Variants in HEATR3 observed in about 807,000 individuals in gnomAD.
The protein encoded by HEATR3 is HEAT repeat-containing protein 3.
HEATR3 carries 56 observed loss-of-function variants against 72.8 expected under a neutral mutation model. The observed-to-expected ratio is 0.77, with a 90% CI of 0.62 to 0.96. The LOEUF (loss-of-function observed/expected upper bound fraction) is 0.96. Among genes scored for constraint, HEATR3 ranks in the 40% least tolerant of loss-of-function variants. HEATR3 has a pLI of 0.00. For synonymous variants in HEATR3, 331 were observed against 318.1 expected (o/e 1.04, Z -0.43); for missense variants, 747 against 831.4 (o/e 0.90, Z 1.25).
chr16:50,090,193 A>G (rs2037078399), intron 11 of HEATR3, among the ~76,000 whole-genome samples: 1 of 151,898 alleles, frequency 6.6e-6, no homozygotes, highest in Non-Finnish European at 1.5e-5. Context: ...TGTCTCCTCC[A>G]AAAAGGTTTT....
At chr16:50,076,005 A>G (rs2036719176) in intron 6 of HEATR3, among the ~76,000 whole-genome samples, 1 of 129,150 alleles carries the variant, frequency 7.7e-6, no homozygotes, top group Admixed American at 8.9e-5. Context: ...TTGACCACTT[A>G]GTTTTCCATA....
intron 6 of HEATR3, among the ~76,000 whole-genome samples, chr16:50,078,292 C>T (rs1260415783): frequency 2.0e-5 from 3 of 152,076 alleles, no homozygotes; most frequent in African/African-American, 4.8e-5. Context: ...TTAATGATAG[C>T]TCCTGTTCTT....
chr16:50,086,542 A>G lies in HEATR3; in HGVS notation c.1510+191A>G. Among the ~76,000 whole-genome samples the G allele has an allele frequency of 1.3e-5, 2 of 152,228 alleles. 1 individual carries two copies. Among genetic ancestry groups the G allele is most frequent in the Non-Finnish European group, 2.9e-5 (2 of 68,046 alleles). On this transcript the variant is annotated intron_variant, in intron 11 of 14. Transcript: ENST00000299192. ...AGGTATGCAAGCAGCTCCTGGGCTT[A>G]TAATTTTCTTTTTTGTTAAAATTGT...
intron 11 of HEATR3, among the ~76,000 whole-genome samples, chr16:50,092,816 G>A (rs977735695): frequency 4.6e-5 from 7 of 152,168 alleles, no homozygotes; most frequent in African/African-American, 1.2e-4. Context: ...GGATGCAGGC[G>A]TGAACAAGAT....
At chr16:50,097,897 AGT>A (rs896432792) in intron 12 of HEATR3, among the ~76,000 whole-genome samples, 2 of 144,958 alleles carry the variant, frequency 1.4e-5, no homozygotes, top group African/African-American at 5.1e-5. Flanking sequence ...GGGTGACAAG[AGT>A]GTGACAAGAG....
chr16:50,076,017 GTT>G (rs34176576), intron 6 of HEATR3, among the ~76,000 whole-genome samples: 1 of 148,486 alleles, frequency 6.7e-6, no homozygotes, highest in Non-Finnish European at 1.5e-5. Context: ...TTTTCCATAA[GTT>G]TTTTTTTTTT....
chr16:50,072,867 C>T (rs1158440241), intron 5 of HEATR3, 153 bp downstream of exon 5: 10 of 602,524 alleles, frequency 1.7e-5, no homozygotes, highest in Admixed American at 6.4e-5. Context: ...GGTCTTAAAT[C>T]TGTGATTAAT....
At chr16:50,088,081 C>T (rs990010834) in intron 11 of HEATR3, among the ~76,000 whole-genome samples, 1 of 152,026 alleles carries the variant, frequency 6.6e-6, no homozygotes, top group African/African-American at 2.4e-5. Flanking sequence ...GAGCCAAGAT[C>T]GCGCCATTGC....
intron 7 of HEATR3, among the ~76,000 whole-genome samples, chr16:50,082,413 C>T (rs1162866491): frequency 1.3e-5 from 2 of 152,090 alleles, no homozygotes; most frequent in African/African-American, 4.8e-5. Context: ...CCAGCAGCAA[C>T]ATGTCTTGTT....
intron 7 of HEATR3, among the ~76,000 whole-genome samples, chr16:50,081,133 A>G (rs968382304): frequency 1.3e-5 from 2 of 152,236 alleles, no homozygotes; most frequent in African/African-American, 2.4e-5. Context: ...TTCTTATAGT[A>G]AAAACTGGCT....
intron 6 of HEATR3, among the ~76,000 whole-genome samples, chr16:50,077,958 C>A (rs1034941165): frequency 7.5e-5 from 11 of 147,612 alleles, no homozygotes; most frequent in Non-Finnish European, 1.5e-4. Flanking sequence ...CTCACTGCAA[C>A]CTCTGCCTCC....
rs2036581729 is a variant in HEATR3 at position 50,070,270 on chromosome 16, G to C, written c.492G>C (p.Val164=). ...NSIENIANET[V]NVLWNICECS... ...TTGAGAACATAGCCAATGAGACTGT[G>C]AACGTGCTGTGGAATATATGGTAAG... The change falls in exon 4 of 15, where the codon GTG becomes GTC. Residue 164 remains valine, a synonymous_variant. Transcript: ENST00000299192. 6.3e-7 allele frequency: 1 copy of C among 1,591,756 alleles called. No homozygotes were observed. Among genetic ancestry groups the C allele is most frequent in the African/African-American group, 1.3e-5 (1 of 74,514 alleles).
intron 2 of HEATR3, 161 bp downstream of exon 2, chr16:50,066,700 G>A (rs1266855628): frequency 1.6e-6 from 1 of 612,338 alleles, no homozygotes; most frequent in East Asian, 3.5e-5. Context: ...CTCCGGAGAA[G>A]CCCAGTATCC....
intron 6 of HEATR3, among the ~76,000 whole-genome samples, chr16:50,076,332 C>T (rs1247203663): frequency 5.3e-5 from 8 of 151,380 alleles, no homozygotes; most frequent in East Asian, 2.0e-4. Flanking sequence ...GAATTACAAG[C>T]GTGCGCCACC....
At chr16:50,066,864 T>C in intron 2 of HEATR3, 1 of 292,984 alleles carries the variant, frequency 3.4e-6, no homozygotes, top group Non-Finnish European at 6.3e-6. Context: ...TCAGGAATCG[T>C]TCTAGATGCA....
intron 12 of HEATR3, chr16:50,098,180 T>A (rs1431059437): frequency 6.6e-6 from 1 of 152,182 alleles, no homozygotes; most frequent in Admixed American, 6.5e-5. Context: ...TATCTTTTTG[T>A]ATCCCCCAAA....
intron 11 of HEATR3, among the ~76,000 whole-genome samples, chr16:50,091,784 G>GCT (rs2150618294): frequency 1.3e-5 from 2 of 150,070 alleles, no homozygotes; most frequent in East Asian, 2.0e-4. Flanking sequence ...TGAGGCAGGA[G>GCT]AATGGCATGA....
At chr16:50,093,522 G>A (rs1190037200) in intron 11 of HEATR3, among the ~76,000 whole-genome samples, 2 of 152,174 alleles carry the variant, frequency 1.3e-5, no homozygotes, top group East Asian at 3.8e-4. Context: ...TGTCTAGAGG[G>A]TTGAGGCCAG....
chr16:50,077,877 A>ATTTTTTTTTTT (rs56374170), intron 6 of HEATR3, among the ~76,000 whole-genome samples: 29 of 104,322 alleles, frequency 2.8e-4, no homozygotes, highest in African/African-American at 6.8e-4. Context: ...AATGGATGTA[A>ATTTTTTTTTTT]TTTTTTTTTT....
Sources: allele counts gnomAD v4.1 joint callset (sites outside exome capture counted in the v4.1 genomes callset), GRCh38; gene constraint gnomAD v4.1.1; transcripts MANE v1.5; gene names NCBI Gene and HGNC (gene_info 2026-07-23, HGNC 2026-07-21).